ANK2: variants seen among roughly 807,000 people sequenced by gnomAD.
The protein encoded by ANK2 is ankyrin 2.
In ANK2, 83 loss-of-function variants were observed where a neutral mutation model predicts 360.5. The ratio of observed to expected loss-of-function variants is 0.23; its 90% CI spans 0.19 to 0.28. The LOEUF is 0.28. Ranked by LOEUF, ANK2 falls within the 10% of genes least tolerant of loss-of-function variation. ANK2 has a pLI of 1.00. For missense variants in ANK2, 4,201 were observed against 4,795.7 expected, an observed-to-expected ratio of 0.88 and a Z score of 3.66; for synonymous variants, 1,740 against 1,759.5, an observed-to-expected ratio of 0.99 and a Z score of 0.28.
At chr4:112,965,344 A>G (rs1164864608) in intron 2 of ANK2, among the ~76,000 whole-genome samples, 1 of 152,194 alleles carries the variant, frequency 6.6e-6, no homozygotes, top group Non-Finnish European at 1.5e-5. Flanking sequence ...TTTTAAAATC[A>G]GATGATTAGA....
chr4:112,735,721 A>T, the ANK2 span, among the ~76,000 whole-genome samples: 1 of 152,162 alleles, frequency 6.6e-6, no homozygotes, highest in South Asian at 2.1e-4. Context: ...TATCAGCTTA[A>T]CCATTTCTAA....
chr4:113,298,953 A>G (rs560297784), intron 22 of ANK2, among the ~76,000 whole-genome samples: 55 of 152,380 alleles, frequency 3.6e-4, no homozygotes, highest in African/African-American at 1.3e-3. Context: ...TTCAACAAAT[A>G]TTTAATGATG....
At chr4:112,998,730 A>G (rs2049535565) in intron 2 of ANK2, among the ~76,000 whole-genome samples, 1 of 152,300 alleles carries the variant, frequency 6.6e-6, no homozygotes, top group South Asian at 2.1e-4. Flanking sequence ...ATTTCTGAGA[A>G]CCTTCCATAT....
In ANK2 at chr4:112,850,504, C is replaced by CTTTTTTTTTTTTTTTTT. The variant is rs60510554; in HGVS notation, c.-40+32254_-40+32270dup. Among the ~76,000 whole-genome samples the CTTTTTTTTTTTTTTTTT allele has an allele frequency of 1.5e-3, 9 of 5,820 alleles. 4 individuals carry two copies. The highest frequency in any genetic ancestry group is 0.011 in the Admixed American group (4 of 350). 3.8% of individuals were successfully genotyped at this position (5,820 alleles called of 152,430 possible). Reference sequence around the variant, plus strand: ...TTTTTTTAACATTTCCTGTGCTAGTCTTTTTTTTTTTTTTTTTTTTTTTTT... The same window carrying CTTTTTTTTTTTTTTTTT: ...TTTTTTTAACATTTCCTGTGCTAGTCTTTTTTTTTTTTTTTTTTTTTTTTTTTTTTTTTTTTTTTTTT... On this transcript the variant is annotated intron_variant, in intron 1 of 30. Coordinates refer to the ANK2 transcript ENST00000503271.
chr4:112,975,156 C>G (rs1017451130), intron 2 of ANK2, among the ~76,000 whole-genome samples: 2 of 152,120 alleles, frequency 1.3e-5, no homozygotes, highest in African/African-American at 4.8e-5. Context: ...ACTTACCTGT[C>G]TGAGGTTATC....
At chr4:113,076,536 G>A (rs1428298350) in intron 1 of ANK2, among the ~76,000 whole-genome samples, 1 of 152,110 alleles carries the variant, frequency 6.6e-6, no homozygotes, top group African/African-American at 2.4e-5. Flanking sequence ...GCCAGGCACA[G>A]TGTAATGCCA....
the ANK2 span, among the ~76,000 whole-genome samples, chr4:112,791,689 C>T: frequency 6.6e-6 from 1 of 151,836 alleles, no homozygotes; most frequent in African/African-American, 2.4e-5. Flanking sequence ...GACGGGGTTT[C>T]ACCGTGTTAG....
At chr4:112,719,645 G>A in the ANK2 span, among the ~76,000 whole-genome samples, 3 of 151,402 alleles carry the variant, frequency 2.0e-5, no homozygotes, top group Non-Finnish European at 2.9e-5. Context: ...GGAGAATGGC[G>A]TGAACCCAGG....
the ANK2 span, among the ~76,000 whole-genome samples, chr4:112,757,975 C>T: frequency 1.3e-5 from 2 of 149,960 alleles, no homozygotes; most frequent in African/African-American, 4.9e-5. Context: ...GCCGTCCTGG[C>T]TCACTGCAAC....
intron 1 of ANK2, among the ~76,000 whole-genome samples, chr4:112,845,795 A>G (rs1207370988): frequency 6.6e-6 from 1 of 152,246 alleles, no homozygotes; most frequent in Admixed American, 6.5e-5. Context: ...AGAAATGTAG[A>G]TTCTCAAGTT....
At chr4:112,956,747 G>A (rs1385864088) in intron 2 of ANK2, among the ~76,000 whole-genome samples, 1 of 152,184 alleles carries the variant, frequency 6.6e-6, no homozygotes, top group East Asian at 1.9e-4. Flanking sequence ...GGATAAGGGA[G>A]ACCACTGTAA....
intron 9 of ANK2, among the ~76,000 whole-genome samples, chr4:113,248,813 C>T (rs977554025): frequency 1.3e-5 from 2 of 152,202 alleles, no homozygotes; most frequent in Non-Finnish European, 2.9e-5. Context: ...TATCCACCTT[C>T]TCCACCTCTG....
chr4:113,355,411 A>G lies in ANK2; in HGVS notation c.6793A>G (p.Thr2265Ala), dbSNP rs1446892958. The change falls in exon 38 of 46, where the codon ACC becomes GCC. Residue 2265 changes from threonine to alanine, a missense_variant. Transcript: ENST00000357077. ...EEQTGETKES[T>A]KTETTTEIRS... is the part of the protein sequence containing the mutation. ...GCAAACTGGGGAAACAAAGGAAAGC[A>G]CCAAGACAGAAACCACCACAGAAAT... The G allele has an allele frequency of 6.2e-6, 10 of 1,614,012 alleles. No homozygotes were observed. The highest frequency in any genetic ancestry group is 8.5e-6 in the Non-Finnish European group (10 of 1,179,992).
chr4:113,229,290 T>G (rs2099263538), intron 4 of ANK2, among the ~76,000 whole-genome samples: 1 of 152,182 alleles, frequency 6.6e-6, no homozygotes, highest in Non-Finnish European at 1.5e-5. Flanking sequence ...TCCCTTTTCT[T>G]GCCTTTCTCA....
At chr4:113,377,406 C>T (rs537085536) in intron 45 of ANK2, among the ~76,000 whole-genome samples, 2 of 152,196 alleles carry the variant, frequency 1.3e-5, no homozygotes, top group South Asian at 2.1e-4. Context: ...CCATTTTTAA[C>T]CAAAATGTCA....
intron 24 of ANK2, among the ~76,000 whole-genome samples, chr4:113,314,712 GTTA>G (rs1407450161): frequency 1.3e-5 from 2 of 152,102 alleles, no homozygotes; most frequent in African/African-American, 4.8e-5. Context: ...TAATTCTTTA[GTTA>G]TTATTATTTT....
rs562895246 is a variant in ANK2, at chr4:113,358,557, C to T, written c.9939C>T (p.Thr3313=). The T allele has an allele frequency of 1.3e-4, 207 of 1,614,048 alleles. 2 individuals are homozygous for T. In the South Asian group the frequency reaches 2.1e-3, roughly 16 times the overall value. ...CTGTAAGGACTATGCCCACTTCCAC[C>T]CCAGCACCTCCATCTGCAGAGTATG... ...KIPVRTMPTS[T]PAPPSAEYES... The change falls in exon 38 of 46, where the codon ACC becomes ACT. Residue 3313 remains threonine, a synonymous_variant. Transcript: ENST00000357077.
chr4:112,711,501 T>C, the ANK2 span, among the ~76,000 whole-genome samples: 1 of 151,826 alleles, frequency 6.6e-6, no homozygotes, highest in Admixed American at 6.6e-5. Context: ...CCAGCCTGCA[T>C]GACAGTGAGA....
chr4:112,998,110 A>T (rs55985474), intron 2 of ANK2, among the ~76,000 whole-genome samples: 2 of 152,026 alleles, frequency 1.3e-5, no homozygotes, highest in Non-Finnish European at 2.9e-5. Flanking sequence ...ATTAGTTAAG[A>T]CTGATGTTAA....
Sources: allele counts gnomAD v4.1 joint callset (sites outside exome capture counted in the v4.1 genomes callset), GRCh38; gene constraint gnomAD v4.1.1; transcripts MANE v1.5; gene names NCBI Gene and HGNC (gene_info 2026-07-23, HGNC 2026-07-21).